Variants in DDAH1 observed in about 807,000 individuals in gnomAD.
DDAH1 encodes dimethylarginine dimethylaminohydrolase 1.
A neutral mutation model predicts 28.8 loss-of-function variants in DDAH1; 19 were observed. That is an observed-to-expected ratio of 0.66 (90% CI 0.46 to 0.97). The LOEUF (loss-of-function observed/expected upper bound fraction) is 0.97. Among genes scored for constraint, DDAH1 ranks in the 50% least tolerant of loss-of-function variants. DDAH1 has a pLI of 0.00. For missense variants in DDAH1, 326 were observed against 375.9 expected (o/e 0.87, Z 1.10); for synonymous variants, 153 against 154.4 (o/e 0.99, Z 0.07).
intron 1 of DDAH1, among the ~76,000 whole-genome samples, chr1:85,381,652 T>C (rs554715948): frequency 3.3e-5 from 5 of 152,190 alleles, no homozygotes; most frequent in Non-Finnish European, 7.3e-5. Context: ...ATCTCTTCAC[T>C]ACTGGTTTTC....
chr1:85,562,174 T>TA (rs927142154), intron 1 of DDAH1, among the ~76,000 whole-genome samples: 36 of 150,776 alleles, frequency 2.4e-4, no homozygotes, highest in South Asian at 6.3e-4. Context: ...ATGGCTTTAT[T>TA]AAAAAAAAAC....
intron 1 of DDAH1, among the ~76,000 whole-genome samples, chr1:85,400,177 C>CTTTTTTTTTT (rs61677601): frequency 4.4e-4 from 24 of 54,922 alleles, no homozygotes; most frequent in African/African-American, 1.1e-3. Flanking sequence ...CTTTTCTTTT[C>CTTTTTTTTTT]TTTTTTTTTT....
rs577326265 is a variant in DDAH1, at chr1:85,471,636, T to C, written c.-7+24530A>G. The stretch of plus-strand genomic sequence containing the variant: ...TGATAGCCACTAATATTAACAGTTA[T>C]TGTGCTCTTGTGCCAGGCATTGTAT... On this transcript the variant is annotated intron_variant, in intron 2 of 6. Transcript: ENST00000426972. Among the ~76,000 whole-genome samples, 19 of 152,346 alleles carry C rather than the reference T, an allele frequency of 1.2e-4. 1 individual carries two copies. The South Asian group carries it at 3.9e-3, about 32-fold the overall frequency.
At chr1:85,382,307 A>G (rs1028853805) in intron 1 of DDAH1, among the ~76,000 whole-genome samples, 3 of 152,218 alleles carry the variant, frequency 2.0e-5, no homozygotes, top group African/African-American at 7.2e-5. Flanking sequence ...TATTCTCTTA[A>G]GCCAAAGCCT....
At chr1:85,352,647 T>C (rs925355392) in intron 2 of DDAH1, among the ~76,000 whole-genome samples, 2 of 152,194 alleles carry the variant, frequency 1.3e-5, no homozygotes, top group Non-Finnish European at 2.9e-5. Flanking sequence ...TTTTTATTAA[T>C]TTAAAAAAAT....
Position 85,320,496 on chromosome 1 carries a change from T to C in DDAH1, c.*956A>G, listed in dbSNP as rs988319174. 3 of 148,626 alleles carry C rather than the reference T, an allele frequency of 2.0e-5. No individual in the cohort carries two copies. The highest frequency in any genetic ancestry group is 7.6e-5 in the African/African-American group (3 of 39,734). The allele number at this position is 148,626 out of a possible 1,614,324, so 9.2% of individuals were successfully genotyped here. On this transcript the variant is annotated 3_prime_UTR_variant, in exon 6 of 6. Transcript: ENST00000284031. Reference sequence around the variant, plus strand: ...TGGAAATACGGTGAGTCAGGGTAGGTGGAAACAGAAATGAGTAGAAGGAAA... The same window carrying C: ...TGGAAATACGGTGAGTCAGGGTAGGCGGAAACAGAAATGAGTAGAAGGAAA...
At chr1:85,366,606 A>G (rs1650089050) in intron 1 of DDAH1, among the ~76,000 whole-genome samples, 1 of 152,076 alleles carries the variant, frequency 6.6e-6, no homozygotes. Flanking sequence ...CTGTAATCCT[A>G]TTTTCCTCCC....
At chr1:85,323,166 A>C (rs1475672877) in intron 5 of DDAH1, among the ~76,000 whole-genome samples, 1 of 152,220 alleles carries the variant, frequency 6.6e-6, no homozygotes, top group Non-Finnish European at 1.5e-5. Flanking sequence ...TTAGAGAGTG[A>C]ACCTAGTAAT....
chr1:85,573,025 A>G (rs552008507), intron 1 of DDAH1, among the ~76,000 whole-genome samples: 12 of 152,370 alleles, frequency 7.9e-5, no homozygotes, highest in Non-Finnish European at 1.6e-4. Flanking sequence ...AGCTCATTCT[A>G]TGTTAATTGC....
chr1:85,414,785 C>G (rs7532508), intron 1 of DDAH1, among the ~76,000 whole-genome samples: 46,042 of 151,816 alleles, frequency 0.3, 7,063 homozygotes, highest in East Asian at 0.34. Flanking sequence ...GACTCAAAGA[C>G]TGCCTGGCAG....
chr1:85,480,687 C>T (rs147721855), intron 2 of DDAH1, among the ~76,000 whole-genome samples: 3 of 152,124 alleles, frequency 2.0e-5, no homozygotes, highest in South Asian at 2.1e-4. Flanking sequence ...GGAAGTTGAA[C>T]GACCCAAGAC....
chr1:85,554,276 G>GTTT (rs368410411), intron 1 of DDAH1, among the ~76,000 whole-genome samples: 9,374 of 110,512 alleles, frequency 0.085, 626 homozygotes, highest in East Asian at 0.29. Flanking sequence ...AATTGTAAGA[G>GTTT]TTTTTTTTTT....
At chr1:85,449,647 T>G (rs1226789313) in intron 1 of DDAH1, among the ~76,000 whole-genome samples, 1 of 151,874 alleles carries the variant, frequency 6.6e-6, no homozygotes, top group Admixed American at 6.6e-5. Flanking sequence ...TTATTGCGGG[T>G]GAAGGATTAG....
chr1:85,544,474 G>C (rs1248132007), intron 1 of DDAH1, among the ~76,000 whole-genome samples: 2 of 152,074 alleles, frequency 1.3e-5, no homozygotes, highest in Non-Finnish European at 2.9e-5. Flanking sequence ...CCATCCCCAG[G>C]AATTTCTTGA....
Position 85,379,640 on chromosome 1 carries a change from C to G in DDAH1, c.304-20793G>C, listed in dbSNP as rs887390255. 6.1e-6 allele frequency: 6 copies of G among 985,266 alleles called. No homozygotes were observed. The East Asian group carries it at 5.7e-4, about 93-fold the overall frequency. 61.0% of individuals were successfully genotyped at this position (985,266 alleles called of 1,614,324 possible). On this transcript the variant is annotated intron_variant, in intron 1 of 5. Coordinates refer to ENST00000284031, the MANE Select transcript of DDAH1 (RefSeq NM_012137.4). ...CCACACACCACTCTTCACCATTATA[C>G]TACTGTTCACTGTTCTCTTCTTTTC...
intron 3 of DDAH1, 144 bp downstream of exon 3, chr1:85,351,362 C>T (rs2100843522): frequency 2.9e-6 from 2 of 681,712 alleles, no homozygotes; most frequent in South Asian, 2.0e-5. Flanking sequence ...GCTTCTAAAA[C>T]TTCTAGTAAA....
intron 1 of DDAH1, among the ~76,000 whole-genome samples, chr1:85,458,742 T>C (rs1463331585): frequency 6.6e-6 from 1 of 152,172 alleles, no homozygotes; most frequent in African/African-American, 2.4e-5. Flanking sequence ...CAGGGGAATA[T>C]TTTGATGGAA....
chr1:85,404,273 A>G, intron 1 of DDAH1: 2 of 1,040,004 alleles, frequency 1.9e-6, no homozygotes, highest in Non-Finnish European at 2.8e-6. Context: ...AGATGCCACC[A>G]GTTCATATTG....
At chr1:85,475,330 A>AG (rs1655759159) in intron 2 of DDAH1, among the ~76,000 whole-genome samples, 1 of 152,224 alleles carries the variant, frequency 6.6e-6, no homozygotes, top group Non-Finnish European at 1.5e-5. Flanking sequence ...GAGGAGGAGA[A>AG]GGGGGAGGAG....
Sources: gnomAD v4.1 joint callset for allele counts (sites outside exome capture counted in the v4.1 genomes callset) on GRCh38, gnomAD v4.1.1 for gene constraint, MANE v1.5 for transcripts, NCBI Gene and HGNC (gene_info 2026-07-23, HGNC 2026-07-21) for gene names.